SPRED2: variants seen among roughly 807,000 people sequenced by gnomAD.
SPRED2 encodes sprouty-related, EVH1 domain-containing protein 2.
A neutral mutation model predicts 43.0 loss-of-function variants in SPRED2; 47 were observed. The ratio of observed to expected loss-of-function variants is 1.09; its 90% confidence interval spans 0.87 to 1.40. The LOEUF (loss-of-function observed/expected upper bound fraction) is 1.40. Ranked by LOEUF, SPRED2 falls within the 40% of genes most tolerant of loss-of-function variation. The probability of loss-of-function intolerance (pLI) is 0.00; values close to 1 mark genes in which losing one functional copy is unlikely to be tolerated. For missense variants in SPRED2, 561 were observed against 586.4 expected (o/e 0.96, Z 0.45); for synonymous variants, 225 against 225.7 (o/e 1.00, Z 0.03).
At chr2:65,315,582 G>C (rs544580435) in intron 5 of SPRED2, among the ~76,000 whole-genome samples, 1 of 152,160 alleles carries the variant, frequency 6.6e-6, no homozygotes, top group Admixed American at 6.5e-5. Context: ...AAACTGACAC[G>C]GGCTTTACTA....
chr2:65,401,246 G>A (rs899538506), intron 1 of SPRED2, among the ~76,000 whole-genome samples: 5 of 151,830 alleles, frequency 3.3e-5, no homozygotes, highest in African/African-American at 1.2e-4. Flanking sequence ...AAAGTGCTGA[G>A]ATTACAGGTG....
At chr2:65,347,785 C>T (rs1209871438) in intron 1 of SPRED2, among the ~76,000 whole-genome samples, 1 of 152,138 alleles carries the variant, frequency 6.6e-6, no homozygotes, top group Non-Finnish European at 1.5e-5. Flanking sequence ...TCACAATCAA[C>T]ATGTTTCAGG....
chr2:65,401,147 T>G (rs1415640498), intron 1 of SPRED2, among the ~76,000 whole-genome samples: 1 of 151,836 alleles, frequency 6.6e-6, no homozygotes, highest in African/African-American at 2.4e-5. Flanking sequence ...TTTTTTTTTT[T>G]TATTTCTTAG....
At chr2:65,396,932 A>C (rs1327976235) in intron 1 of SPRED2, among the ~76,000 whole-genome samples, 1 of 152,176 alleles carries the variant, frequency 6.6e-6, no homozygotes, top group Non-Finnish European at 1.5e-5. Flanking sequence ...CTGCTTAGCA[A>C]TCTCCTTAAA....
chr2:65,372,050 AAGAC>A (rs1247360891), intron 1 of SPRED2, among the ~76,000 whole-genome samples: 1 of 152,058 alleles, frequency 6.6e-6, no homozygotes, highest in Non-Finnish European at 1.5e-5. Context: ...TCCTGCCTGG[AAGAC>A]AGAGCGAGAC....
At chr2:65,406,234 A>C (rs1355506150) in intron 1 of SPRED2, among the ~76,000 whole-genome samples, 1 of 152,228 alleles carries the variant, frequency 6.6e-6, no homozygotes, top group African/African-American at 2.4e-5. Flanking sequence ...ATTCTGCTAA[A>C]TGTGCCCTGC....
chr2:65,392,515 TAGAG>T (rs1195009202), intron 1 of SPRED2, among the ~76,000 whole-genome samples: 1 of 152,218 alleles, frequency 6.6e-6, no homozygotes, highest in Non-Finnish European at 1.5e-5. Context: ...CTTCTTCCTT[TAGAG>T]AGGAGTTGAA....
chr2:65,355,214 C>CA (rs993262893), intron 1 of SPRED2, among the ~76,000 whole-genome samples: 8 of 152,130 alleles, frequency 5.3e-5, no homozygotes, highest in Non-Finnish European at 1.0e-4. Context: ...GTTTCCTAGT[C>CA]AACCAGTTAG....
intron 1 of SPRED2, among the ~76,000 whole-genome samples, chr2:65,403,865 T>A (rs903788899): frequency 2.0e-5 from 3 of 152,154 alleles, no homozygotes; most frequent in Admixed American, 1.3e-4. Context: ...AAATTTCATA[T>A]ACAACACTCT....
At chr2:65,342,368 T>C (rs1674217463) in intron 2 of SPRED2, among the ~76,000 whole-genome samples, 1 of 147,056 alleles carries the variant, frequency 6.8e-6, no homozygotes, top group African/African-American at 2.5e-5. Context: ...ATACGTATAT[T>C]ATATGTATGT....
intron 1 of SPRED2, among the ~76,000 whole-genome samples, chr2:65,351,974 C>G (rs1173923472): frequency 6.6e-6 from 1 of 152,214 alleles, no homozygotes; most frequent in African/African-American, 2.4e-5. Flanking sequence ...ATGGTGGTAA[C>G]ATGATTTTCT....
chr2:65,342,304 ACG>A (rs1674213351), intron 2 of SPRED2, among the ~76,000 whole-genome samples: 2 of 143,908 alleles, frequency 1.4e-5, no homozygotes. Flanking sequence ...TATTTTGTAT[ACG>A]TATATTATGT....
intron 1 of SPRED2, among the ~76,000 whole-genome samples, chr2:65,352,824 A>T (rs1193422870): frequency 6.6e-6 from 1 of 152,074 alleles, no homozygotes; most frequent in East Asian, 1.9e-4. Context: ...GGGTTTCAGC[A>T]TGTTGACCAG....
chr2:65,314,553 G>C (rs1213698157), intron 5 of SPRED2, among the ~76,000 whole-genome samples: 1 of 152,198 alleles, frequency 6.6e-6, no homozygotes, highest in African/African-American at 2.4e-5. Flanking sequence ...GTGCCCCAGA[G>C]TATCTTCCGC....
chr2:65,315,733 A>G (rs1673212993), intron 5 of SPRED2, among the ~76,000 whole-genome samples: 1 of 152,248 alleles, frequency 6.6e-6, no homozygotes, highest in East Asian at 1.9e-4. Flanking sequence ...ATCTTGGCTC[A>G]CTGCAAGCTC....
At chr2:65,412,508 G>T (rs921974940) in intron 1 of SPRED2, among the ~76,000 whole-genome samples, 1 of 152,174 alleles carries the variant, frequency 6.6e-6, no homozygotes, top group Non-Finnish European at 1.5e-5. Context: ...ACTAGATATT[G>T]ACTATTTGCA....
intron 1 of SPRED2, among the ~76,000 whole-genome samples, chr2:65,381,868 T>A (rs1352751424): frequency 6.6e-6 from 1 of 152,228 alleles, no homozygotes; most frequent in East Asian, 1.9e-4. Context: ...CAGACACCAG[T>A]GGAATTCCCC....
At chr2:65,366,949 A>G (rs1230541343) in intron 1 of SPRED2, among the ~76,000 whole-genome samples, 2 of 152,256 alleles carry the variant, frequency 1.3e-5, no homozygotes, top group Non-Finnish European at 2.9e-5. Flanking sequence ...ATCATTGATG[A>G]AAGGATGAAA....
At chr2:65,389,808 C>A (rs1675589415) in intron 1 of SPRED2, among the ~76,000 whole-genome samples, 1 of 152,144 alleles carries the variant, frequency 6.6e-6, no homozygotes, top group African/African-American at 2.4e-5. Flanking sequence ...CATACACAGA[C>A]TTTGAAGGAG....
Sources: allele counts gnomAD v4.1 joint callset (sites outside exome capture counted in the v4.1 genomes callset), GRCh38; gene constraint gnomAD v4.1.1; transcripts MANE v1.5; gene names NCBI Gene and HGNC (gene_info 2026-07-23, HGNC 2026-07-21).